Variants in APC observed in about 807,000 individuals in gnomAD.
The protein encoded by APC is adenomatous polyposis coli protein.
Under a neutral mutation model 247.0 loss-of-function variants are expected in APC, and 72 were observed. The observed-to-expected ratio is 0.29, with a 90% CI of 0.24 to 0.35. APC has a LOEUF of 0.35. APC is among the 10% of genes least tolerant of loss of function. The pLI is 1.00. For synonymous variants in APC, 1,254 were observed against 1,162.5 expected (o/e 1.08, Z -1.60); for missense variants, 3,400 against 3,360.7 (o/e 1.01, Z -0.29).
chr5:112,723,304 A>G (rs1230256548), intron 1 of APC, among the ~76,000 whole-genome samples: 1 of 152,150 alleles, frequency 6.6e-6, no homozygotes, highest in Non-Finnish European at 1.5e-5. Context: ...TCTACAAAAA[A>G]TAAAAAAATT....
Position 112,843,858 on chromosome 5 carries a change from C to T in APC, c.8264C>T (p.Ser2755Phe), listed in dbSNP as rs1383526361. Reference protein sequence around the residue: ...PVPVSETNESSIVERTPFSSS... With the variant: ...PVPVSETNESFIVERTPFSSS... ...CCTGTATCAGAGACTAATGAAAGTT[C>T]TATAGTGGAACGTACCCCATTCAGT... Residue 2755 changes from serine to phenylalanine, a missense_variant, in exon 16 of 16, where the codon TCT becomes TTT. Coordinates refer to ENST00000257430, the MANE Select transcript of APC (RefSeq NM_000038.6). The surrounding 1 kb of genome is among the most constrained non-coding windows in gnomAD (Gnocchi z 4.8). The T allele has an allele frequency of 6.2e-7, 1 of 1,614,006 alleles. No individual in the cohort carries two copies. Among genetic ancestry groups the T allele is most frequent in the South Asian group, 1.1e-5 (1 of 91,066 alleles).
At chr5:112,751,964 T>C (rs1437097891) in intron 1 of APC, among the ~76,000 whole-genome samples, 1 of 152,052 alleles carries the variant, frequency 6.6e-6, no homozygotes, top group Non-Finnish European at 1.5e-5. Flanking sequence ...CTTTTCCTCA[T>C]CTTTGGCATG....
At chr5:112,746,475 A>G (rs1279216499) in intron 1 of APC, among the ~76,000 whole-genome samples, 1 of 152,156 alleles carries the variant, frequency 6.6e-6, no homozygotes, top group Non-Finnish European at 1.5e-5. Flanking sequence ...TAAGTGAAAT[A>G]TGGAAAAATC....
At chr5:112,789,031 G>A (rs962101118) in intron 6 of APC, among the ~76,000 whole-genome samples, 1 of 152,176 alleles carries the variant, frequency 6.6e-6, no homozygotes, top group East Asian at 1.9e-4. Flanking sequence ...TAAGTGTGTT[G>A]TTTACACAGT....
intron 2 of APC, among the ~76,000 whole-genome samples, chr5:112,755,359 T>C (rs1754854737): frequency 6.6e-6 from 1 of 152,160 alleles, no homozygotes; most frequent in South Asian, 2.1e-4. Flanking sequence ...TTTTAGAATA[T>C]GCCTTGAATA....
chr5:112,770,671 C>G (rs1185893944), intron 4 of APC, among the ~76,000 whole-genome samples: 1 of 152,072 alleles, frequency 6.6e-6, no homozygotes, highest in Admixed American at 6.5e-5. Context: ...TTGCTATGTT[C>G]AGTCTCATTT....
At chr5:112,724,485 A>G (rs182015092) in intron 1 of APC, among the ~76,000 whole-genome samples, 37 of 152,198 alleles carry the variant, frequency 2.4e-4, no homozygotes, top group Non-Finnish European at 5.0e-4. Context: ...TGAGAATACA[A>G]TTATGACATA....
In APC at chr5:112,842,131, A is replaced by C; in HGVS notation, c.6537A>C (p.Lys2179Asn). Residue 2179 changes from lysine to asparagine, a missense_variant, in exon 16 of 16, where the codon AAA becomes AAC. Physicochemically the swap from Lys to Asn is moderately conservative, Grantham distance 94. Transcript: ENST00000257430. ...GGGAGAAAAGTACATTGGAAACTAAAAAGATAGAATCTGAAAGTAAAGGAA... is the reference window on the plus strand; with the variant it reads ...GGGAGAAAAGTACATTGGAAACTAACAAGATAGAATCTGAAAGTAAAGGAA... ...KPGEKSTLET[K>N]KIESESKGIK... 2 of 1,611,558 alleles carry C rather than the reference A, an allele frequency of 1.2e-6. No individual in the cohort carries two copies. Among genetic ancestry groups the C allele is most frequent in the Non-Finnish European group, 1.7e-6 (2 of 1,178,608 alleles).
chr5:112,717,908 CTTTTTTTTTTTTTTTT>C lies in APC; in HGVS notation c.165+10040_165+10055del. The stretch of plus-strand genomic sequence containing the variant: ...CTCTTTTCTTTTTCTTTTTCTTTTT[CTTTTTTTTTTTTTTTT>C]TTTTTTTTTTTTTGCTTCTTTTTGA... On this transcript the variant is annotated intron_variant, in intron 1 of 13. Coordinates refer to the APC transcript ENST00000507379. Among the ~76,000 whole-genome samples the C allele has an allele frequency of 4.2e-3, 170 of 40,664 alleles. 1 individual carries two copies. The highest frequency in any genetic ancestry group is 0.011 in the Admixed American group (26 of 2,332). 26.7% of individuals were successfully genotyped at this position (40,664 alleles called of 152,430 possible). A position where few individuals can be genotyped will look rare whatever the true frequency, so the allele number is the denominator to read the frequency against.
At position 112,828,925 on chromosome 5, in the gene APC, G is replaced by T. The variant is rs1764020231; in HGVS notation, c.1696G>T (p.Val566Phe). The T allele has an allele frequency of 6.2e-7, 1 of 1,613,950 alleles. No homozygotes were observed. The highest frequency in any genetic ancestry group is 1.1e-5 in the South Asian group (1 of 91,076). Residue 566 changes from valine to phenylalanine, a missense_variant, in exon 14 of 16, where the codon GTT (valine) becomes TTT (phenylalanine). Physicochemically the swap from Val to Phe is conservative, Grantham distance 50. Transcript: ENST00000257430. The part of the protein sequence containing the change: ...DVNSKKTLRE[V>F]GSVKALMECA... Reference sequence around the variant, plus strand: ...AAATAGTAAAAAGACGTTGCGAGAAGTTGGAAGTGTGAAAGCATTGATGGA... The same window carrying T: ...AAATAGTAAAAAGACGTTGCGAGAATTTGGAAGTGTGAAAGCATTGATGGA...
chr5:112,834,028 TGCA>T (rs1303864845), intron 14 of APC, among the ~76,000 whole-genome samples: 3 of 151,984 alleles, frequency 2.0e-5, no homozygotes, highest in African/African-American at 4.8e-5. Context: ...CATGGCTTAC[TGCA>T]GCCTTGACCT....
intron 3 of APC, 57 bp from the exon 4 acceptor site, chr5:112,767,132 A>AT: frequency 7.5e-7 from 1 of 1,331,968 alleles, no homozygotes; most frequent in Middle Eastern, 1.9e-4. Context: ...AACATTAAGA[A>AT]TATTTTAGAC....
rs563219702 is a variant in APC, at chr5:112,840,913, T to A, written c.5319T>A (p.Thr1773=). The part of the protein sequence containing the change: ...NQLDGKKKKP[T]SPVKPIPQNT... ...TAGATGGTAAGAAAAAGAAACCAAC[T>A]TCACCAGTAAAACCTATACCACAAA... The change falls in exon 16 of 16, where the codon ACT becomes ACA. Residue 1773 remains threonine, a synonymous_variant. Transcript: ENST00000257430. The surrounding 1 kb of genome is among the most constrained non-coding windows in gnomAD (Gnocchi z 4.1). The A allele has an allele frequency of 1.2e-6, 2 of 1,613,870 alleles. No individual in the cohort carries two copies. The highest frequency in any genetic ancestry group is 3.3e-5 in the Admixed American group (2 of 60,002).
At chr5:112,797,309 C>A (rs1760316748) in intron 7 of APC, among the ~76,000 whole-genome samples, 1 of 152,078 alleles carries the variant, frequency 6.6e-6, no homozygotes, top group South Asian at 2.1e-4. Context: ...TTTTATTCTT[C>A]TAATGTAAGT....
Position 112,822,734 on chromosome 5 carries a change from G to A in APC, c.1408+743G>A, listed in dbSNP as rs2545162. Among the ~76,000 whole-genome samples the A allele has an allele frequency of 0.62, 93,908 of 152,012 alleles. 29,434 individuals are homozygous for A. The highest frequency in any genetic ancestry group is 0.82 in the East Asian group (4,260 of 5,184). The stretch of plus-strand genomic sequence containing the variant: ...GTCATGCCACAAGCAAGAACCATAC[G>A]CTTAATTCCCATTTTAGTGTAATTG... On this transcript the variant is annotated intron_variant, in intron 11 of 15. Coordinates refer to ENST00000257430, the MANE Select transcript of APC (RefSeq NM_000038.6).
rs917679065 is a variant in APC at position 112,791,098 on chromosome 5, G to T, written c.646-1348G>T. On this transcript the variant is annotated intron_variant, in intron 6 of 15. Coordinates refer to ENST00000257430, the MANE Select transcript of APC (RefSeq NM_000038.6). ...TTGCAAAGTCTTTATTCATAAGTGA[G>T]TTGTTTTTTCCACTTCCACTAGTAT... 5.3e-5 allele frequency among the ~76,000 whole-genome samples: 8 copies of T among 152,216 alleles called. No individual in the cohort carries two copies. In the South Asian group the frequency reaches 1.4e-3, roughly 28 times the overall value.
intron 1 of APC, among the ~76,000 whole-genome samples, chr5:112,715,737 G>T (rs1751133930): frequency 6.6e-6 from 1 of 152,014 alleles, no homozygotes; most frequent in South Asian, 2.1e-4. Context: ...ATCAAGTCGG[G>T]GTATTTAGAG....
chr5:112,826,629 CAGTTTCATTTAA>C (rs1410301504), intron 11 of APC, among the ~76,000 whole-genome samples: 2 of 142,738 alleles, frequency 1.4e-5, no homozygotes, highest in African/African-American at 5.2e-5. Context: ...TCTTCATGCA[CAGTTTCATTTAA>C]AGGCATCCGT....
At chr5:112,821,755 T>A in intron 10 of APC, 141 bp from the exon 11 acceptor site, 1 of 675,390 alleles carries the variant, frequency 1.5e-6, no homozygotes, top group Non-Finnish European at 2.6e-6. Flanking sequence ...TTATTCATCC[T>A]TTCAGCAAAT....
Sources: gnomAD v4.1 joint callset for allele counts (sites outside exome capture counted in the v4.1 genomes callset) on GRCh38, gnomAD v4.1.1 for gene constraint, Gnocchi (gnomAD v3.1) non-coding constraint, MANE v1.5 for transcripts, NCBI Gene and HGNC (gene_info 2026-07-23, HGNC 2026-07-21) for gene names.